Variants in STX3 observed in about 807,000 individuals in gnomAD.
The protein encoded by STX3 is syntaxin 3, also known as syntaxin-3.
Under a neutral mutation model 40.2 loss-of-function variants are expected in STX3, and 19 were observed. The ratio of observed to expected loss-of-function variants is 0.47; its 90% CI spans 0.33 to 0.69. STX3 has a LOEUF of 0.69. Among genes scored for constraint, STX3 ranks in the 30% least tolerant of loss-of-function variants. The pLI is 0.02. For synonymous variants in STX3, 122 were observed against 132.2 expected, an observed-to-expected ratio of 0.92 and a Z score of 0.53; for missense variants, 364 against 366.7, an observed-to-expected ratio of 0.99 and a Z score of 0.06.
At chr11:59,776,066 A>C (rs1863947639) in intron 2 of STX3, among the ~76,000 whole-genome samples, 1 of 152,228 alleles carries the variant, frequency 6.6e-6, no homozygotes, top group African/African-American at 2.4e-5. Context: ...GCTAATGCTC[A>C]GAAAGTACTT....
intron 10 of STX3, chr11:59,799,985 T>G: frequency 1.0e-6 from 1 of 985,442 alleles, no homozygotes; most frequent in Non-Finnish European, 1.2e-6. Flanking sequence ...AAAGATGATA[T>G]GCAAATTTGT....
Position 59,800,932 on chromosome 11 carries a change from C to T in STX3, c.*108C>T, listed in dbSNP as rs758750254. 45 of 1,536,070 alleles carry T rather than the reference C, an allele frequency of 2.9e-5. No homozygotes were observed. The highest frequency in any genetic ancestry group is 7.8e-5 in the Admixed American group (4 of 50,970). On this transcript the variant is annotated 3_prime_UTR_variant, in exon 11 of 11. Transcript: ENST00000337979. The stretch of plus-strand genomic sequence containing the variant: ...GGAGTCTGAATGGCCTTCCTGAGAG[C>T]GAGTGCGACCCGTTCCTTTGTTTCC...
intron 2 of STX3, 66 bp from the exon 3 acceptor site, chr11:59,786,971 G>A (rs1357779454): frequency 1.8e-5 from 26 of 1,427,222 alleles, no homozygotes; most frequent in South Asian, 3.6e-5. Context: ...TCTGCCAAAC[G>A]TTTATCTCAG....
At chr11:59,757,290 A>C (rs894642995) in intron 1 of STX3, among the ~76,000 whole-genome samples, 3 of 152,218 alleles carry the variant, frequency 2.0e-5, no homozygotes, top group Non-Finnish European at 4.4e-5. Flanking sequence ...AAAGAAGAGC[A>C]CGATTTTGAA....
At chr11:59,760,115 C>T (rs1157008001) in intron 1 of STX3, among the ~76,000 whole-genome samples, 2 of 152,174 alleles carry the variant, frequency 1.3e-5, no homozygotes, top group African/African-American at 2.4e-5. Flanking sequence ...GTAGGGATTA[C>T]AGCCCCATCA....
At position 59,803,494 on chromosome 11, in the gene STX3, G is replaced by T. The variant is rs75068764; in HGVS notation, c.*2670G>T. ...GTTAGTAGGTAGTCTGTGGGAGGAG[G>T]GGGGAGACAGAAGGTGGCAATCTGT... On this transcript the variant is annotated 3_prime_UTR_variant, in exon 11 of 11. Coordinates refer to ENST00000337979, the MANE Select transcript of STX3 (RefSeq NM_004177.5). Among the ~76,000 whole-genome samples, 2 of 152,128 alleles carry T rather than the reference G, an allele frequency of 1.3e-5. No homozygotes were observed. Among genetic ancestry groups the T allele is most frequent in the Non-Finnish European group, 2.9e-5 (2 of 68,030 alleles).
At position 59,799,087 on chromosome 11, in the gene STX3, GC is replaced by G. The variant is rs143751383; in HGVS notation, c.*30+1693del. ...ATATTTTTTGTAGAGATGGAGTTTTGCCATGTCACCCAGGCTGGTCTTGAAC... is the reference window on the plus strand; with the variant it reads ...ATATTTTTTGTAGAGATGGAGTTTTGCATGTCACCCAGGCTGGTCTTGAAC... On this transcript the variant is annotated intron_variant, in intron 10 of 10. Transcript: ENST00000337979. Among the ~76,000 whole-genome samples the G allele has an allele frequency of 1.8e-4, 27 of 151,902 alleles. No individual in the cohort carries two copies. In the East Asian group the frequency reaches 4.5e-3, roughly 25 times the overall value.
At chr11:59,774,024 T>A (rs1590775552) in intron 2 of STX3, among the ~76,000 whole-genome samples, 1 of 151,030 alleles carries the variant, frequency 6.6e-6, no homozygotes, top group East Asian at 2.0e-4. Context: ...GACTTAATTC[T>A]AGTGGTAACT....
Position 59,803,080 on chromosome 11 carries a change from C to G in STX3, c.*2256C>G. ...TGTTGGCATTCTGGGTCCTAGAAGC[C>G]AGATCCATCTCCTTTTTCCTTCTGT... On this transcript the variant is annotated 3_prime_UTR_variant, in exon 11 of 11. Coordinates refer to ENST00000337979, the MANE Select transcript of STX3 (RefSeq NM_004177.5). The G allele has an allele frequency of 1.6e-6, 2 of 1,227,496 alleles. No homozygotes were observed. The highest frequency in any genetic ancestry group is 4.3e-5 in the South Asian group (1 of 23,484). The allele number at this position is 1,227,496 out of a possible 1,614,324, so 76.0% of individuals were successfully genotyped here.
At chr11:59,771,392 G>GCC (rs1863620232) in intron 1 of STX3, among the ~76,000 whole-genome samples, 3 of 49,118 alleles carry the variant, frequency 6.1e-5, no homozygotes, top group Admixed American at 2.1e-4. Context: ...TTTGCCCCCC[G>GCC]TCCCCCCACC....
Position 59,802,073 on chromosome 11 carries a change from C to T in STX3, c.*1249C>T, listed in dbSNP as rs1414604145. On this transcript the variant is annotated 3_prime_UTR_variant, in exon 11 of 11. Transcript: ENST00000337979. ...CACCTGGTGCCTATGCTAGGCTTGT[C>T]CTGAGAACATCCCTCAGTAACTTGA... The T allele has an allele frequency of 3.2e-5, 32 of 985,302 alleles. No homozygotes were observed. The highest frequency in any genetic ancestry group is 4.7e-5 in the South Asian group (1 of 21,296). 61.0% of individuals were successfully genotyped at this position (985,302 alleles called of 1,614,324 possible).
chr11:59,786,567 C>G (rs1403483175), intron 2 of STX3, among the ~76,000 whole-genome samples: 1 of 151,866 alleles, frequency 6.6e-6, no homozygotes, highest in Non-Finnish European at 1.5e-5. Flanking sequence ...TTCTGTCTTT[C>G]TCTTCCTCTC....
At chr11:59,778,772 A>G (rs1864156466) in intron 2 of STX3, among the ~76,000 whole-genome samples, 1 of 151,918 alleles carries the variant, frequency 6.6e-6, no homozygotes, top group African/African-American at 2.4e-5. Flanking sequence ...AATTTTTCAG[A>G]GCAACACTTT....
chr11:59,795,821 A>G (rs2135030536), intron 9 of STX3: 2 of 931,028 alleles, frequency 2.1e-6, no homozygotes, highest in Admixed American at 4.2e-5. Flanking sequence ...TCCCTGTCGT[A>G]GCCTCATCAA....
At chr11:59,797,592 C>T (rs1245596531) in intron 10 of STX3, among the ~76,000 whole-genome samples, 196 bp downstream of exon 10, 1 of 152,138 alleles carries the variant, frequency 6.6e-6, no homozygotes, top group Non-Finnish European at 1.5e-5. Flanking sequence ...TGGATGAGCT[C>T]TCCGTTTGTT....
chr11:59,755,721 G>A, intron 1 of STX3, 86 bp downstream of exon 1: 1 of 1,436,862 alleles, frequency 7.0e-7, no homozygotes. Context: ...CGAGGCTGGA[G>A]GGGGGCCCGA....
At position 59,801,628 on chromosome 11, in the gene STX3, G is replaced by A. The variant is rs1425206589; in HGVS notation, c.*804G>A. 2.0e-6 allele frequency: 2 copies of A among 985,366 alleles called. No individual in the cohort carries two copies. Among genetic ancestry groups the A allele is most frequent in the Admixed American group, 1.2e-4 (2 of 16,256 alleles). 61.0% of individuals were successfully genotyped at this position (985,366 alleles called of 1,614,324 possible). A position where few individuals can be genotyped will look rare whatever the true frequency, so the allele number is the denominator to read the frequency against. ...GATGCTTTGTGAGACTATTGTCTTGGGGCCAAAAATAATCAGGGATTTTAA... is the reference window on the plus strand; with the variant it reads ...GATGCTTTGTGAGACTATTGTCTTGAGGCCAAAAATAATCAGGGATTTTAA... On this transcript the variant is annotated 3_prime_UTR_variant, in exon 11 of 11. Transcript: ENST00000337979.
Position 59,792,097 on chromosome 11 carries a change from C to T in STX3, c.358-10C>T. On this transcript the variant is annotated splice_polypyrimidine_tract_variant and intron_variant, in intron 5 of 10. Coordinates refer to ENST00000337979, the MANE Select transcript of STX3 (RefSeq NM_004177.5). ...ACTGGGGCCTGACTGCATTTTACAT[C>T]ATCCCACAGCACTCTGTCCTTTCTC... 6.2e-7 allele frequency: 1 copy of T among 1,610,906 alleles called. No individual in the cohort carries two copies.
intron 2 of STX3, among the ~76,000 whole-genome samples, chr11:59,784,624 G>A (rs1172106782): frequency 1.3e-5 from 2 of 152,232 alleles, no homozygotes; most frequent in East Asian, 3.8e-4. Flanking sequence ...GGAGGAGCAA[G>A]TCACGTCTTA....
Sources: gnomAD v4.1 joint callset for allele counts (sites outside exome capture counted in the v4.1 genomes callset) on GRCh38, gnomAD v4.1.1 for gene constraint, MANE v1.5 for transcripts, NCBI Gene and HGNC (gene_info 2026-07-23, HGNC 2026-07-21) for gene names.